CNTNAP2: variants seen among roughly 807,000 people sequenced by gnomAD.
CNTNAP2 encodes the protein contactin associated protein 2.
A neutral mutation model predicts 155.2 loss-of-function variants in CNTNAP2; 98 were observed. The observed-to-expected ratio is 0.63, with a 90% CI of 0.54 to 0.75. CNTNAP2 has a LOEUF of 0.75. Ranked by LOEUF, CNTNAP2 falls within the 30% of genes least tolerant of loss-of-function variation. The pLI is 0.00. For synonymous variants in CNTNAP2, 651 were observed against 631.2 expected (o/e 1.03, Z -0.47); for missense variants, 1,727 against 1,688.1 (o/e 1.02, Z -0.40).
At chr7:146,929,282 A>G (rs956701223) in intron 3 of CNTNAP2, among the ~76,000 whole-genome samples, 1 of 152,180 alleles carries the variant, frequency 6.6e-6, no homozygotes, top group Non-Finnish European at 1.5e-5. Flanking sequence ...GCGGTTCACG[A>G]AAATCCTCTG....
At position 147,959,250 on chromosome 7, in the gene CNTNAP2, C is replaced by T. The variant is rs1801075298; in HGVS notation, c.2256-18612C>T. 1.3e-5 allele frequency among the ~76,000 whole-genome samples: 2 copies of T among 152,100 alleles called. 1 individual carries two copies. The highest frequency in any genetic ancestry group is 4.1e-4 in the South Asian group (2 of 4,826). On this transcript the variant is annotated intron_variant, in intron 14 of 23. Coordinates refer to ENST00000361727, the MANE Select transcript of CNTNAP2 (RefSeq NM_014141.6). The stretch of plus-strand genomic sequence containing the variant: ...AGTGCACATTCAGGTTTTCCAGTTG[C>T]CTCATAGCGTCTTTCCATGACCTTC...
intron 1 of CNTNAP2, among the ~76,000 whole-genome samples, chr7:146,717,477 G>A (rs1043403879): frequency 1.3e-5 from 2 of 151,988 alleles, no homozygotes; most frequent in Non-Finnish European, 2.9e-5. Flanking sequence ...TCACGCCACT[G>A]CACTCCAGCT....
At position 147,555,390 on chromosome 7, in the gene CNTNAP2, G is replaced by A. The variant is rs79079609; in HGVS notation, c.1778-6748G>A. 3.3e-5 allele frequency among the ~76,000 whole-genome samples: 5 copies of A among 152,070 alleles called. No individual in the cohort carries two copies. The East Asian group carries it at 5.8e-4, about 18-fold the overall frequency. On this transcript the variant is annotated intron_variant, in intron 11 of 23. Transcript: ENST00000361727. ...CCCAGAAAACCAATCCCTCATTTTA[G>A]CATCTTATAACCTGGTCCCTACAGC...
chr7:148,297,124 T>A (rs1314970290), intron 21 of CNTNAP2, among the ~76,000 whole-genome samples: 1 of 141,092 alleles, frequency 7.1e-6, no homozygotes, highest in East Asian at 2.0e-4. Context: ...ACTGGTAACC[T>A]TATTCCTAGG....
chr7:146,488,188 G>C (rs996216372), intron 1 of CNTNAP2, among the ~76,000 whole-genome samples: 5 of 150,852 alleles, frequency 3.3e-5, no homozygotes, highest in Non-Finnish European at 7.4e-5. Flanking sequence ...TTAGTCTTAC[G>C]CACGTGAGGA....
At chr7:146,941,691 C>T (rs1207940124) in intron 3 of CNTNAP2, among the ~76,000 whole-genome samples, 1 of 152,066 alleles carries the variant, frequency 6.6e-6, no homozygotes, top group Admixed American at 6.6e-5. Flanking sequence ...GTGATGAGCT[C>T]CCTCAGCTTT....
intron 2 of CNTNAP2, among the ~76,000 whole-genome samples, chr7:146,782,002 C>T (rs1325777180): frequency 6.6e-6 from 1 of 152,156 alleles, no homozygotes; most frequent in Non-Finnish European, 1.5e-5. Context: ...CCGAATCAGC[C>T]ACAGTAGGCG....
chr7:148,084,649 C>A (rs12670215), intron 15 of CNTNAP2, among the ~76,000 whole-genome samples: 5,530 of 152,036 alleles, frequency 0.036, 324 homozygotes, highest in East Asian at 0.28. Flanking sequence ...ATATTACTTG[C>A]TTAATTGTAT....
intron 1 of CNTNAP2, among the ~76,000 whole-genome samples, chr7:146,611,343 A>T (rs542549545): frequency 6.6e-6 from 1 of 152,138 alleles, no homozygotes; most frequent in Non-Finnish European, 1.5e-5. Context: ...TTCCCCCTTC[A>T]GCTTCCCAAA....
At chr7:147,942,674 G>GA (rs1448092372) in intron 14 of CNTNAP2, among the ~76,000 whole-genome samples, 2 of 151,982 alleles carry the variant, frequency 1.3e-5, no homozygotes, top group African/African-American at 2.4e-5. Context: ...TCCTGTGTAG[G>GA]AAAAAATACA....
intron 12 of CNTNAP2, among the ~76,000 whole-genome samples, chr7:147,635,739 G>GT (rs1397712066): frequency 6.6e-6 from 1 of 152,112 alleles, no homozygotes; most frequent in Non-Finnish European, 1.5e-5. Context: ...TGACCATTTG[G>GT]TTTTATTTGC....
At chr7:148,269,113 G>A (rs1371583666) in intron 21 of CNTNAP2, among the ~76,000 whole-genome samples, 1 of 152,132 alleles carries the variant, frequency 6.6e-6, no homozygotes, top group African/African-American at 2.4e-5. Context: ...CCAGAAGAGA[G>A]GGGGAAAGCA....
intron 3 of CNTNAP2, among the ~76,000 whole-genome samples, chr7:146,875,763 T>C (rs1322610244): frequency 2.6e-5 from 4 of 151,192 alleles, no homozygotes; most frequent in Non-Finnish European, 5.9e-5. Flanking sequence ...TTTTTCAGCT[T>C]GGCCAGGTGT....
intron 13 of CNTNAP2, among the ~76,000 whole-genome samples, chr7:147,725,209 A>G (rs1796623086): frequency 6.7e-6 from 1 of 149,684 alleles, no homozygotes; most frequent in Non-Finnish European, 1.5e-5. Context: ...ATTATTATCC[A>G]TTTTGTACTT....
rs143272508 is a variant in CNTNAP2, at chr7:146,671,020, C to A, written c.98-103251C>A. Among the ~76,000 whole-genome samples the A allele has an allele frequency of 5.5e-4, 84 of 152,294 alleles. 1 individual carries two copies. In the East Asian group the frequency reaches 0.014, roughly 25 times the overall value. On this transcript the variant is annotated intron_variant, in intron 1 of 23. Coordinates refer to ENST00000361727, the MANE Select transcript of CNTNAP2 (RefSeq NM_014141.6). ...TAGCACTCCCAGTTTATAAACACAA[C>A]GAACTTCAAAGGTGCCATCCAGCTC...
intron 1 of CNTNAP2, among the ~76,000 whole-genome samples, chr7:146,329,141 G>T (rs1279923994): frequency 6.6e-6 from 1 of 152,068 alleles, no homozygotes; most frequent in Admixed American, 6.6e-5. Context: ...CCACCAGCAG[G>T]ACACCAGGGT....
chr7:147,727,634 C>T (rs181715849), intron 13 of CNTNAP2, among the ~76,000 whole-genome samples: 79 of 151,876 alleles, frequency 5.2e-4, no homozygotes, highest in Middle Eastern at 3.4e-3. Context: ...GAAATTATGA[C>T]ACTTATTTTA....
chr7:147,583,898 C>T (rs141012687), intron 12 of CNTNAP2, among the ~76,000 whole-genome samples: 64 of 152,164 alleles, frequency 4.2e-4, no homozygotes, highest in African/African-American at 1.2e-3. Flanking sequence ...CAAGCCGAGA[C>T]GGTGGCATGG....
intron 10 of CNTNAP2, among the ~76,000 whole-genome samples, chr7:147,461,699 T>G (rs987618405): frequency 6.6e-6 from 1 of 152,220 alleles, no homozygotes; most frequent in African/African-American, 2.4e-5. Flanking sequence ...GTTTTTTGTT[T>G]GTTTGTTTCT....
Sources: allele counts gnomAD v4.1 joint callset (sites outside exome capture counted in the v4.1 genomes callset), GRCh38; gene constraint gnomAD v4.1.1; transcripts MANE v1.5; gene names NCBI Gene and HGNC (gene_info 2026-07-23, HGNC 2026-07-21).